SLC35F3: variants seen among roughly 807,000 people sequenced by gnomAD.
SLC35F3 encodes putative thiamine transporter SLC35F3.
A neutral mutation model predicts 49.9 loss-of-function variants in SLC35F3; 25 were observed. That is an observed-to-expected ratio of 0.50 (90% CI 0.37 to 0.70). The LOEUF (loss-of-function observed/expected upper bound fraction) is 0.70. SLC35F3 is among the 30% of genes least tolerant of loss of function. SLC35F3 has a pLI of 0.00. For synonymous variants in SLC35F3, 275 were observed against 265.4 expected, an observed-to-expected ratio of 1.04 and a Z score of -0.35; for missense variants, 525 against 639.8, an observed-to-expected ratio of 0.82 and a Z score of 1.94.
At chr1:234,157,291 C>T (rs1666169219) in intron 2 of SLC35F3, among the ~76,000 whole-genome samples, 1 of 152,024 alleles carries the variant, frequency 6.6e-6, no homozygotes, top group African/African-American at 2.4e-5. Flanking sequence ...TTTTTATATT[C>T]TCATCTCCTG....
chr1:233,905,244 C>T lies in SLC35F3; in HGVS notation c.53+114C>T, dbSNP rs1037167543. 1.6e-5 allele frequency: 19 copies of T among 1,169,544 alleles called. No individual in the cohort carries two copies. In the African/African-American group the frequency reaches 2.4e-4, roughly 15 times the overall value. 72.4% of individuals were successfully genotyped at this position (1,169,544 alleles called of 1,614,324 possible). On this transcript the variant is annotated intron_variant, in intron 1 of 7. Coordinates refer to ENST00000366618, the MANE Select transcript of SLC35F3 (RefSeq NM_173508.4). ...GTCTGAGGCTCGGGGAAGGGCGGCGCGCGCGGTGGAGCTGCTCGGGAAGTT... is the reference window on the plus strand; with the variant it reads ...GTCTGAGGCTCGGGGAAGGGCGGCGTGCGCGGTGGAGCTGCTCGGGAAGTT...
At chr1:234,208,347 G>A (rs4027079) in intron 2 of SLC35F3, among the ~76,000 whole-genome samples, 57,627 of 152,136 alleles carry the variant, frequency 0.38, 12,709 homozygotes, top group Non-Finnish European at 0.5. Flanking sequence ...TGTCGTACAT[G>A]TGAACCAGTC....
intron 2 of SLC35F3, among the ~76,000 whole-genome samples, chr1:234,185,812 A>G (rs777349632): frequency 3.9e-5 from 6 of 152,222 alleles, no homozygotes; most frequent in Non-Finnish European, 7.3e-5. Flanking sequence ...TGTGCCAATA[A>G]TGCATTGATT....
At chr1:234,280,739 C>T (rs907296903) in intron 3 of SLC35F3, among the ~76,000 whole-genome samples, 6 of 152,234 alleles carry the variant, frequency 3.9e-5, no homozygotes, top group Non-Finnish European at 7.3e-5. Flanking sequence ...ATCTCACTTC[C>T]ACCGCACAGT....
intron 2 of SLC35F3, among the ~76,000 whole-genome samples, chr1:234,045,573 T>A (rs1664276559): frequency 6.6e-6 from 1 of 152,148 alleles, no homozygotes; most frequent in South Asian, 2.1e-4. Flanking sequence ...GCAGTCTAGC[T>A]CTAGAACTTG....
Position 233,973,497 on chromosome 1 carries a change from T to G in SLC35F3, c.283+67739T>G, listed in dbSNP as rs556476789. Among the ~76,000 whole-genome samples the G allele has an allele frequency of 6.2e-4, 94 of 152,316 alleles. No homozygotes were observed. The South Asian group carries it at 0.013, about 21-fold the overall frequency. On this transcript the variant is annotated intron_variant, in intron 2 of 7. Coordinates refer to ENST00000366618, the MANE Select transcript of SLC35F3 (RefSeq NM_173508.4). ...TGAGCTTTCAGAAATACTCAGACAT[T>G]AACGATGCTTCAGCTACTTCCCAGG...
intron 4 of SLC35F3, among the ~76,000 whole-genome samples, chr1:234,310,154 C>T (rs1028851267): frequency 6.6e-6 from 1 of 152,166 alleles, no homozygotes; most frequent in Admixed American, 6.5e-5. Context: ...GTCACTGCCC[C>T]GTCATCACCT....
At chr1:233,925,466 T>C (rs1231793539) in intron 2 of SLC35F3, among the ~76,000 whole-genome samples, 2 of 152,224 alleles carry the variant, frequency 1.3e-5, no homozygotes, top group Non-Finnish European at 2.9e-5. Flanking sequence ...CCCTGCTTTT[T>C]TTTTGTTTTC....
chr1:233,908,428 A>G (rs2102780453), intron 2 of SLC35F3, among the ~76,000 whole-genome samples: 1 of 152,272 alleles, frequency 6.6e-6, no homozygotes, highest in South Asian at 2.1e-4. Context: ...TTGTTAAGAT[A>G]AATGAGGTAA....
chr1:234,235,118 C>A (rs941370117), intron 3 of SLC35F3, among the ~76,000 whole-genome samples: 1 of 152,204 alleles, frequency 6.6e-6, no homozygotes, highest in African/African-American at 2.4e-5. Flanking sequence ...TTCTCATGAT[C>A]AGATACTGTT....
chr1:234,072,168 AACAG>A (rs1664720910), intron 2 of SLC35F3, among the ~76,000 whole-genome samples: 1 of 152,278 alleles, frequency 6.6e-6, no homozygotes, highest in Admixed American at 6.5e-5. Context: ...GGACAATCCT[AACAG>A]TGCTGGTTTA....
At chr1:234,191,307 T>C (rs1225351030) in intron 2 of SLC35F3, among the ~76,000 whole-genome samples, 1 of 152,084 alleles carries the variant, frequency 6.6e-6, no homozygotes, top group Non-Finnish European at 1.5e-5. Flanking sequence ...TTCAAAACCA[T>C]GCAAATATAT....
At chr1:233,974,514 A>T (rs745532567) in intron 2 of SLC35F3, among the ~76,000 whole-genome samples, 1 of 152,124 alleles carries the variant, frequency 6.6e-6, no homozygotes, top group Non-Finnish European at 1.5e-5. Context: ...AATTTGAGTG[A>T]TTATACTGGA....
chr1:233,915,644 T>C (rs969378805), intron 2 of SLC35F3, among the ~76,000 whole-genome samples: 6 of 152,114 alleles, frequency 3.9e-5, no homozygotes, highest in Admixed American at 2.6e-4. Context: ...TAAAGACATA[T>C]CTGAGATTGG....
intron 2 of SLC35F3, among the ~76,000 whole-genome samples, chr1:234,136,777 C>G (rs886977086): frequency 2.0e-5 from 3 of 152,218 alleles, no homozygotes; most frequent in Non-Finnish European, 2.9e-5. Flanking sequence ...CAGATGCAGG[C>G]CAGCCTGTTG....
chr1:233,921,297 G>A (rs868834139), intron 2 of SLC35F3, among the ~76,000 whole-genome samples: 4 of 151,822 alleles, frequency 2.6e-5, no homozygotes, highest in East Asian at 1.9e-4. Context: ...TCTTATATCC[G>A]CCCCACCCCG....
chr1:234,072,670 A>C (rs1664734981), intron 2 of SLC35F3, among the ~76,000 whole-genome samples: 1 of 152,172 alleles, frequency 6.6e-6, no homozygotes, highest in African/African-American at 2.4e-5. Flanking sequence ...TGTTCCAGGC[A>C]GAAAAGAAAG....
At chr1:234,065,439 G>A (rs9435502) in intron 2 of SLC35F3, among the ~76,000 whole-genome samples, 23,204 of 152,188 alleles carry the variant, frequency 0.15, 1,844 homozygotes, top group Non-Finnish European at 0.18. Flanking sequence ...GAGCCACCGC[G>A]CCAGGCCCAA....
intron 2 of SLC35F3, among the ~76,000 whole-genome samples, chr1:234,143,361 T>C (rs1183671430): frequency 6.6e-6 from 1 of 150,752 alleles, no homozygotes; most frequent in Non-Finnish European, 1.5e-5. Context: ...TGATTTTGGC[T>C]CATTGCAATC....
Sources: allele counts gnomAD v4.1 joint callset (sites outside exome capture counted in the v4.1 genomes callset), GRCh38; gene constraint gnomAD v4.1.1; transcripts MANE v1.5; gene names NCBI Gene and HGNC (gene_info 2026-07-23, HGNC 2026-07-21).